FYB2: variants seen among roughly 807,000 people sequenced by gnomAD.
FYB2 encodes the protein FYN binding protein 2.
Under a neutral mutation model 94.1 loss-of-function variants are expected in FYB2, and 103 were observed. The observed-to-expected ratio is 1.09, with a 90% CI of 0.93 to 1.29. FYB2 has a LOEUF of 1.29. Ranked by LOEUF, FYB2 falls within the 50% of genes most tolerant of loss-of-function variation. FYB2 has a pLI of 0.00. For missense variants in FYB2, 896 were observed against 841.5 expected (o/e 1.06, Z -0.80); for synonymous variants, 293 against 287.9 (o/e 1.02, Z -0.18).
At chr1:56,781,458 C>T (rs557495714) in intron 4 of FYB2, among the ~76,000 whole-genome samples, 1 of 152,258 alleles carries the variant, frequency 6.6e-6, no homozygotes, top group South Asian at 2.1e-4. Context: ...TGTTAAGTTA[C>T]TTAACTTCTC....
intron 1 of FYB2, among the ~76,000 whole-genome samples, chr1:56,812,996 G>T (rs910228982): frequency 6.6e-6 from 1 of 152,154 alleles, no homozygotes; most frequent in African/African-American, 2.4e-5. Flanking sequence ...TAGCAGGGTT[G>T]GTTCTTTTCT....
intron 1 of FYB2, among the ~76,000 whole-genome samples, chr1:56,800,954 C>T (rs1462524960): frequency 6.6e-6 from 1 of 152,186 alleles, no homozygotes; most frequent in Non-Finnish European, 1.5e-5. Context: ...CCTAAAACAT[C>T]AGGCCAGTGA....
At chr1:56,759,157 G>C (rs1306282408) in intron 5 of FYB2, among the ~76,000 whole-genome samples, 1 of 152,194 alleles carries the variant, frequency 6.6e-6, no homozygotes, top group Non-Finnish European at 1.5e-5. Context: ...CTGTTCCACA[G>C]CCATTTTTAT....
intron 1 of FYB2, among the ~76,000 whole-genome samples, chr1:56,806,905 G>C (rs190840146): frequency 1.3e-5 from 2 of 152,290 alleles, no homozygotes; most frequent in Admixed American, 1.3e-4. Flanking sequence ...AAAGGCTCAA[G>C]TTTAACTTAG....
At chr1:56,806,431 T>G (rs2101054061) in intron 1 of FYB2, among the ~76,000 whole-genome samples, 1 of 152,244 alleles carries the variant, frequency 6.6e-6, no homozygotes, top group South Asian at 2.1e-4. Context: ...GTCTGGCATG[T>G]GTGGGTTTCT....
intron 5 of FYB2, among the ~76,000 whole-genome samples, chr1:56,765,994 G>A (rs1338566663): frequency 2.0e-5 from 3 of 152,156 alleles, no homozygotes; most frequent in Non-Finnish European, 4.4e-5. Flanking sequence ...GAGAGAGAAG[G>A]AGCAGGCTCT....
rs879328547 is a variant in FYB2 at position 56,734,949 on chromosome 1, C to CA, written c.1793+2137dup. ...GTTAGGATGGCATTCATCAAAAGGA[C>CA]AAAAAAAAAATCACATGCTAGCAAG... On this transcript the variant is annotated intron_variant, in intron 15 of 19. Coordinates refer to ENST00000343433, the MANE Select transcript of FYB2 (RefSeq NM_001004303.5). Among the ~76,000 whole-genome samples the CA allele has an allele frequency of 3.2e-3, 466 of 146,828 alleles. 2 individuals are homozygous for CA. Among genetic ancestry groups the CA allele is most frequent in the African/African-American group, 7.2e-3 (291 of 40,214 alleles).
intron 15 of FYB2, among the ~76,000 whole-genome samples, chr1:56,729,142 T>C (rs1051097509): frequency 6.6e-6 from 1 of 152,148 alleles, no homozygotes; most frequent in Non-Finnish European, 1.5e-5. Context: ...TTTGACTTCA[T>C]TCTGAAAGTG....
chr1:56,753,160 G>A (rs1194924593), intron 8 of FYB2, among the ~76,000 whole-genome samples: 1 of 151,992 alleles, frequency 6.6e-6, no homozygotes, highest in African/African-American at 2.4e-5. Context: ...TAAAAGATAG[G>A]CACATCTCAA....
At chr1:56,767,580 T>C (rs1271513474) in intron 5 of FYB2, among the ~76,000 whole-genome samples, 2 of 152,014 alleles carry the variant, frequency 1.3e-5, no homozygotes, top group Non-Finnish European at 2.9e-5. Flanking sequence ...GCTGAGTCGA[T>C]TGGTAAAGGG....
Position 56,740,745 on chromosome 1 carries a change from TC to T in FYB2, c.1654del (p.Glu552LysfsTer7). Reference protein sequence around the residue: ...LKRLQQFFKKEKDRFKIKKTK... With the variant: ...LKRLQQFFKKXKDRFKIKKTK... ...TTTCTTTATTTTAAATCTATCCTTT[TC>T]TTTCTTGAAGAATTGCTGCAGTCTT... On this transcript the variant is annotated frameshift_variant, in exon 13 of 20. Coordinates refer to ENST00000343433, the MANE Select transcript of FYB2 (RefSeq NM_001004303.5). LOFTEE classifies it high-confidence loss of function. 1 of 1,608,950 alleles carries T rather than the reference TC, an allele frequency of 6.2e-7. No individual in the cohort carries two copies. The highest frequency in any genetic ancestry group is 8.5e-7 in the Non-Finnish European group (1 of 1,177,278).
chr1:56,755,795 G>T, intron 7 of FYB2, 101 bp downstream of exon 7: 1 of 1,176,652 alleles, frequency 8.5e-7, no homozygotes, highest in South Asian at 1.3e-5. Flanking sequence ...AACCAGGCTA[G>T]CTCAGTTTGG....
At chr1:56,810,565 A>G (rs1282147898) in intron 1 of FYB2, among the ~76,000 whole-genome samples, 1 of 152,224 alleles carries the variant, frequency 6.6e-6, no homozygotes, top group Non-Finnish European at 1.5e-5. Context: ...TCTGAAAGAT[A>G]TCAAAGAGAA....
chr1:56,801,080 C>T (rs1646508856), intron 1 of FYB2, among the ~76,000 whole-genome samples: 1 of 152,114 alleles, frequency 6.6e-6, no homozygotes, highest in Non-Finnish European at 1.5e-5. Flanking sequence ...ATTTCTCACC[C>T]TTCCCTGACC....
chr1:56,730,604 TGAAAA>T (rs1440955879), intron 15 of FYB2, among the ~76,000 whole-genome samples: 5 of 151,854 alleles, frequency 3.3e-5, no homozygotes, highest in Non-Finnish European at 7.4e-5. Flanking sequence ...TTAAAAAACT[TGAAAA>T]GACCAATAAA....
intron 15 of FYB2, among the ~76,000 whole-genome samples, chr1:56,730,307 G>A (rs1644677472): frequency 7.2e-6 from 1 of 138,956 alleles, no homozygotes. Flanking sequence ...GGGTGAGAAG[G>A]AGAGGGGAGG....
intron 4 of FYB2, among the ~76,000 whole-genome samples, chr1:56,783,321 A>G (rs898368049): frequency 2.0e-5 from 3 of 152,192 alleles, no homozygotes; most frequent in East Asian, 3.8e-4. Context: ...ATCTATGCCA[A>G]TGTGACTTTA....
intron 2 of FYB2, among the ~76,000 whole-genome samples, chr1:56,791,401 A>T (rs1390283097): frequency 6.6e-6 from 1 of 152,042 alleles, no homozygotes; most frequent in East Asian, 1.9e-4. Flanking sequence ...GATTACAGGC[A>T]CAGGCCACCA....
chr1:56,770,135 A>G (rs1645719651), intron 4 of FYB2, among the ~76,000 whole-genome samples: 1 of 152,186 alleles, frequency 6.6e-6, no homozygotes, highest in South Asian at 2.1e-4. Flanking sequence ...AATCTAAGAA[A>G]GTGTTATGAT....
Sources: allele counts gnomAD v4.1 joint callset (sites outside exome capture counted in the v4.1 genomes callset), GRCh38; gene constraint gnomAD v4.1.1; transcripts MANE v1.5; gene names NCBI Gene and HGNC (gene_info 2026-07-23, HGNC 2026-07-21).